ADAM10: variants seen among roughly 807,000 people sequenced by gnomAD.
ADAM10 encodes disintegrin and metalloproteinase domain-containing protein 10.
ADAM10 carries 17 observed loss-of-function variants against 90.1 expected under a neutral mutation model. The ratio of observed to expected loss-of-function variants is 0.19; its 90% confidence interval spans 0.13 to 0.28. The LOEUF (loss-of-function observed/expected upper bound fraction) is 0.28, where lower values mean the gene tolerates loss of function less well. Among genes scored for constraint, ADAM10 ranks in the 10% least tolerant of loss-of-function variants. ADAM10 has a pLI of 1.00. For synonymous variants in ADAM10, 310 were observed against 298.6 expected, an observed-to-expected ratio of 1.04 and a Z score of -0.40; for missense variants, 610 against 914.3, an observed-to-expected ratio of 0.67 and a Z score of 4.29.
chr15:58,721,492 T>C (rs1431595900), intron 1 of ADAM10, among the ~76,000 whole-genome samples: 20 of 152,182 alleles, frequency 1.3e-4, no homozygotes, highest in Admixed American at 1.2e-3. Flanking sequence ...TATTCCCTAA[T>C]ACTTAATGAA....
chr15:58,607,686 T>C (rs1386770383), intron 14 of ADAM10, among the ~76,000 whole-genome samples: 1 of 151,944 alleles, frequency 6.6e-6, no homozygotes, highest in Non-Finnish European at 1.5e-5. Flanking sequence ...AAATTAGCAA[T>C]ACAAAAATAC....
chr15:58,622,169 T>A (rs1021516520), intron 10 of ADAM10, among the ~76,000 whole-genome samples: 5 of 152,240 alleles, frequency 3.3e-5, no homozygotes, highest in African/African-American at 9.6e-5. Flanking sequence ...CCTAACATAT[T>A]ATTGTCCCTG....
At chr15:58,686,053 T>C (rs1173464236) in intron 2 of ADAM10, among the ~76,000 whole-genome samples, 1 of 152,064 alleles carries the variant, frequency 6.6e-6, no homozygotes, top group Non-Finnish European at 1.5e-5. Context: ...GACTATGATT[T>C]AAGAAAAAAG....
chr15:58,709,787 A>T (rs1365240752), intron 2 of ADAM10, among the ~76,000 whole-genome samples: 2 of 152,098 alleles, frequency 1.3e-5, no homozygotes, highest in African/African-American at 4.8e-5. Flanking sequence ...AAGCCATCAG[A>T]TATAAGCCTG....
At chr15:58,720,807 C>G (rs1898827242) in intron 1 of ADAM10, among the ~76,000 whole-genome samples, 1 of 152,002 alleles carries the variant, frequency 6.6e-6, no homozygotes, top group South Asian at 2.1e-4. Flanking sequence ...TTGAGTTTAG[C>G]AAAAAAGAAG....
chr15:58,743,162 T>G (rs747430725), intron 1 of ADAM10, among the ~76,000 whole-genome samples: 1 of 152,078 alleles, frequency 6.6e-6, no homozygotes, highest in Non-Finnish European at 1.5e-5. Flanking sequence ...TTCCTACAAT[T>G]TGGAAGGCCT....
intron 8 of ADAM10, among the ~76,000 whole-genome samples, chr15:58,635,469 T>C (rs1426424701): frequency 6.6e-6 from 1 of 151,830 alleles, no homozygotes; most frequent in Non-Finnish European, 1.5e-5. Context: ...TTTATGATAT[T>C]CAAAATTTAA....
At chr15:58,733,661 T>G (rs947185115) in intron 1 of ADAM10, among the ~76,000 whole-genome samples, 1 of 152,194 alleles carries the variant, frequency 6.6e-6, no homozygotes, top group African/African-American at 2.4e-5. Flanking sequence ...CTGCATAACC[T>G]CTATAGGGGA....
At chr15:58,655,725 A>AG (rs1428338178) in intron 5 of ADAM10, among the ~76,000 whole-genome samples, 4 of 97,254 alleles carry the variant, frequency 4.1e-5, no homozygotes, top group South Asian at 3.4e-4. Flanking sequence ...ATATATATAT[A>AG]TATATATATA....
At chr15:58,669,795 A>G (rs1354845790) in intron 4 of ADAM10, among the ~76,000 whole-genome samples, 1 of 152,176 alleles carries the variant, frequency 6.6e-6, no homozygotes, top group Non-Finnish European at 1.5e-5. Flanking sequence ...TTTATCAACA[A>G]AAAGTTATTA....
intron 2 of ADAM10, among the ~76,000 whole-genome samples, chr15:58,684,370 T>G (rs1162679731): frequency 6.6e-6 from 1 of 152,128 alleles, no homozygotes; most frequent in Non-Finnish European, 1.5e-5. Context: ...ATGAGGTGAC[T>G]TAGAGTGGGG....
intron 2 of ADAM10, chr15:58,704,269 G>A (rs1898218105): frequency 6.6e-6 from 1 of 152,252 alleles, no homozygotes; most frequent in Admixed American, 6.5e-5. Context: ...CAAACTCACT[G>A]GGACAGATAG....
intron 5 of ADAM10, among the ~76,000 whole-genome samples, chr15:58,661,209 G>GA (rs1896957487): frequency 6.6e-6 from 1 of 151,834 alleles, no homozygotes; most frequent in Non-Finnish European, 1.5e-5. Context: ...TTTTAAATGA[G>GA]AAAAAACTGC....
intron 1 of ADAM10, chr15:58,732,804 C>T (rs1029589758): frequency 6.5e-6 from 1 of 154,396 alleles, no homozygotes; most frequent in South Asian, 2.0e-4. Flanking sequence ...TGGAGAAAGG[C>T]CTTATGAGTG....
Position 58,640,181 on chromosome 15 carries a change from G to C in ADAM10, c.1012+596C>G, listed in dbSNP as rs897509746. ...CAATAGCTTTCATGGCTAAGGCAGA[G>C]ACTCGGCAGAGTATGAACCCAGGTG... On this transcript the variant is annotated intron_variant, in intron 8 of 15. Transcript: ENST00000260408. Among the ~76,000 whole-genome samples the C allele has an allele frequency of 1.2e-4, 18 of 152,234 alleles. No individual in the cohort carries two copies. The South Asian group carries it at 2.1e-3, about 17-fold the overall frequency.
intron 8 of ADAM10, among the ~76,000 whole-genome samples, chr15:58,637,030 T>A (rs544377964): frequency 6.6e-6 from 1 of 152,316 alleles, no homozygotes; most frequent in African/African-American, 2.4e-5. Context: ...ATAGCAAGTG[T>A]CCTATTGCAA....
At chr15:58,613,726 A>G (rs1480070503) in intron 11 of ADAM10, among the ~76,000 whole-genome samples, 4 of 152,160 alleles carry the variant, frequency 2.6e-5, no homozygotes, top group African/African-American at 9.7e-5. Context: ...TCAAGATAGA[A>G]TGTTTGAAAT....
intron 7 of ADAM10, 62 bp from the exon 8 acceptor site, chr15:58,641,022 C>A (rs1896404379): frequency 1.4e-6 from 2 of 1,453,596 alleles, no homozygotes; most frequent in African/African-American, 1.4e-5. Flanking sequence ...GTGTGAATGT[C>A]TGCTCACCTT....
chr15:58,597,504 T>C lies in ADAM10; in HGVS notation c.*43A>G. The stretch of plus-strand genomic sequence containing the variant: ...ATAGGTTTCTCTTTGGAGTGAAGTT[T>C]TCCCATTGTAGGCACTAGGAAGAAC... On this transcript the variant is annotated 3_prime_UTR_variant, in exon 16 of 16. Transcript: ENST00000260408. The C allele has an allele frequency of 6.2e-7, 1 of 1,614,032 alleles. No homozygotes were observed. Among genetic ancestry groups the C allele is most frequent in the Non-Finnish European group, 8.5e-7 (1 of 1,179,974 alleles).
Sources: gnomAD v4.1 joint callset for allele counts (sites outside exome capture counted in the v4.1 genomes callset) on GRCh38, gnomAD v4.1.1 for gene constraint, MANE v1.5 for transcripts, NCBI Gene and HGNC (gene_info 2026-07-23, HGNC 2026-07-21) for gene names.